The following HIF3A variants were observed in gnomAD, a reference collection of about 807,000 sequenced individuals.
The protein encoded by HIF3A is hypoxia-inducible factor 3-alpha.
In HIF3A, 41 loss-of-function variants were observed where a neutral mutation model predicts 67.2. The ratio of observed to expected loss-of-function variants is 0.61; its 90% CI spans 0.48 to 0.79. The LOEUF is 0.79. Ranked by LOEUF, HIF3A falls within the 30% of genes least tolerant of loss-of-function variation. HIF3A has a pLI of 0.00. For synonymous variants in HIF3A, 356 were observed against 374.8 expected, an observed-to-expected ratio of 0.95 and a Z score of 0.58; for missense variants, 855 against 898.0, an observed-to-expected ratio of 0.95 and a Z score of 0.61.
At chr19:46,329,845 T>C (rs1381729919) in intron 12 of HIF3A, among the ~76,000 whole-genome samples, 1 of 151,470 alleles carries the variant, frequency 6.6e-6, no homozygotes, top group Non-Finnish European at 1.5e-5. Flanking sequence ...CCTGTAGTCC[T>C]AGCTACTTGG....
rs1337698693 is a variant in HIF3A, at chr19:46,340,470, C to G, written c.*848C>G. Reference sequence around the variant, plus strand: ...ATCACCTTCTTCTTCTTCCTTCTTCCTCTTCCTCTTCCTCCTGCTCCTCTT... The same window carrying G: ...ATCACCTTCTTCTTCTTCCTTCTTCGTCTTCCTCTTCCTCCTGCTCCTCTT... On this transcript the variant is annotated 3_prime_UTR_variant, in exon 15 of 15. Transcript: ENST00000377670. 6.4e-6 allele frequency: 1 copy of G among 155,728 alleles called. No homozygotes were observed. Among genetic ancestry groups the G allele is most frequent in the Non-Finnish European group, 1.4e-5 (1 of 70,630 alleles). The allele number at this position is 155,728 out of a possible 1,614,324, so 9.6% of individuals were successfully genotyped here.
In HIF3A at chr19:46,340,901, C is replaced by T. The variant is rs1185327444; in HGVS notation, c.*1279C>T. On this transcript the variant is annotated 3_prime_UTR_variant, in exon 15 of 15. Coordinates refer to ENST00000377670, the MANE Select transcript of HIF3A (RefSeq NM_152795.4). Reference sequence around the variant, plus strand: ...CCTCTCATTCTGCCTGTTTTCAAACCTTACGATCCCCAAAAATTGTCTGGT... The same window carrying T: ...CCTCTCATTCTGCCTGTTTTCAAACTTTACGATCCCCAAAAATTGTCTGGT... 1 of 152,270 alleles carries T rather than the reference C, an allele frequency of 6.6e-6. No homozygotes were observed. The highest frequency in any genetic ancestry group is 1.5e-5 in the Non-Finnish European group (1 of 68,096). The allele number at this position is 152,270 out of a possible 1,614,324, so 9.4% of individuals were successfully genotyped here. A position where few individuals can be genotyped will look rare whatever the true frequency, so the allele number is the denominator to read the frequency against.
rs781136704 is a variant in HIF3A at position 46,325,567 on chromosome 19, C to T, written c.1368C>T (p.Thr456=). 9 of 1,613,214 alleles carry T rather than the reference C, an allele frequency of 5.6e-6. No individual in the cohort carries two copies. The highest frequency in any genetic ancestry group is 3.3e-4 in the Middle Eastern group (2 of 6,084). The change falls in exon 11 of 15, where the codon ACC becomes ACT. Residue 456 remains threonine (T), a synonymous_variant. Transcript: ENST00000377670. The part of the protein sequence containing the change: ...ADLPDELPVG[T]ENVHRLFTSG... ...TCCCAGATGAACTACCTGTGGGCAC[C>T]GAGAATGTGCACAGACTCTTCACCT...
intron 14 of HIF3A, among the ~76,000 whole-genome samples, chr19:46,335,575 AT>A (rs1254279917): frequency 2.0e-5 from 3 of 151,662 alleles, no homozygotes; most frequent in South Asian, 4.2e-4. Context: ...CAGCCTAAAA[AT>A]TTTTTTTTAA....
At chr19:46,330,279 A>G (rs1971101783) in intron 12 of HIF3A, among the ~76,000 whole-genome samples, 1 of 152,196 alleles carries the variant, frequency 6.6e-6, no homozygotes, top group Non-Finnish European at 1.5e-5. Context: ...ATGGGTGGAC[A>G]GGTGGATGGA....
chr19:46,312,430 C>T (rs777424571), intron 7 of HIF3A, 76 bp from the exon 8 acceptor site: 1 of 1,602,368 alleles, frequency 6.2e-7, no homozygotes, highest in Non-Finnish European at 8.5e-7. Context: ...CTTGCCCCCT[C>T]ATACCCAGTC....
intron 6 of HIF3A, chr19:46,310,746 C>G (rs79263603): frequency 0.12 from 41,450 of 349,262 alleles, 3,451 homozygotes; most frequent in East Asian, 0.32. Flanking sequence ...TTATTGTCAT[C>G]ATTACTTTTT....
chr19:46,306,474 A>G (rs1269019568), intron 3 of HIF3A: 1 of 152,252 alleles, frequency 6.6e-6, no homozygotes, highest in Admixed American at 6.5e-5. Context: ...TTTTTAATTA[A>G]CATGGAAGGC....
intron 12 of HIF3A, among the ~76,000 whole-genome samples, chr19:46,330,617 TG>T (rs1971136514): frequency 6.9e-6 from 1 of 144,818 alleles, no homozygotes; most frequent in South Asian, 2.2e-4. Context: ...GATGCATGGA[TG>T]GTGGATGGAT....
intron 6 of HIF3A, chr19:46,310,694 G>A: frequency 2.4e-6 from 1 of 422,930 alleles, no homozygotes; most frequent in Non-Finnish European, 4.7e-6. Flanking sequence ...GCAGCTCAGT[G>A]AGTTTCCCGG....
At chr19:46,312,878 GTTAATTTTTT>G in intron 8 of HIF3A, 2 of 838,270 alleles carry the variant, frequency 2.4e-6, no homozygotes, top group Non-Finnish European at 1.4e-6. Flanking sequence ...TGTGTAGACT[GTTAATTTTTT>G]TTTTTTTTTT....
rs1289297826 is a variant in HIF3A at position 46,320,555 on chromosome 19, A to G, written c.1138A>G (p.Ser380Gly). 6.2e-7 allele frequency: 1 copy of G among 1,612,920 alleles called. No individual in the cohort carries two copies. Among genetic ancestry groups the G allele is most frequent in the Admixed American group, 1.7e-5 (1 of 60,014 alleles). ...SQKDTPNPGD[S>G]LDTPGPRILA... The stretch of plus-strand genomic sequence containing the variant: ...GAAGGACACCCCTAACCCTGGGGAC[A>G]GCCTTGGTATGGGGCAGGGCTGGGG... Residue 380 changes from serine (S) to glycine (G), a missense_variant, in exon 9 of 15, where the codon AGC (serine) becomes GGC (glycine). Physicochemically the swap from Ser to Gly is moderately conservative, Grantham distance 56 (BLOSUM62 0). Coordinates refer to ENST00000377670, the MANE Select transcript of HIF3A (RefSeq NM_152795.4).
intron 6 of HIF3A, among the ~76,000 whole-genome samples, chr19:46,309,877 A>G (rs1368577145): frequency 6.6e-6 from 1 of 152,078 alleles, no homozygotes; most frequent in Non-Finnish European, 1.5e-5. Flanking sequence ...GCTTGAGACC[A>G]GGAGTTCAAG....
intron 2 of HIF3A, 159 bp from the exon 3 acceptor site, chr19:46,305,086 C>T: frequency 9.8e-7 from 1 of 1,019,912 alleles, no homozygotes; most frequent in Non-Finnish European, 1.5e-6. Context: ...TGCTTTCTTC[C>T]TTGGGAATCC....
chr19:46,339,060 T>C (rs1350581094), intron 14 of HIF3A, among the ~76,000 whole-genome samples: 1 of 152,140 alleles, frequency 6.6e-6, no homozygotes, highest in Admixed American at 6.6e-5. Flanking sequence ...TTGCCTTTGT[T>C]AAATGCCCAG....
intron 8 of HIF3A, among the ~76,000 whole-genome samples, chr19:46,316,345 G>T (rs1447387878): frequency 1.3e-5 from 2 of 152,126 alleles, no homozygotes; most frequent in South Asian, 2.1e-4. Context: ...CCAGCATTTC[G>T]CATTGTCTGG....
chr19:46,305,296 T>G lies in HIF3A; in HGVS notation c.269T>G (p.Leu90Arg). 1 of 1,614,082 alleles carries G rather than the reference T, an allele frequency of 6.2e-7. No individual in the cohort carries two copies. Among genetic ancestry groups the G allele is most frequent in the Non-Finnish European group, 8.5e-7 (1 of 1,179,990 alleles). The change falls in exon 3 of 15, where the codon CTG becomes CGG. Residue 90 changes from leucine (L) to arginine (R), a missense_variant. Coordinates refer to ENST00000377670, the MANE Select transcript of HIF3A (RefSeq NM_152795.4). ...GGAGAACCACTGGATGCCTGCTACCTGAAGGCCCTGGAGGGCTTCGTCATG... is the reference window on the plus strand; with the variant it reads ...GGAGAACCACTGGATGCCTGCTACCGGAAGGCCCTGGAGGGCTTCGTCATG... Reference protein sequence around the residue: ...AGGEPLDACYLKALEGFVMVL... With the variant: ...AGGEPLDACYRKALEGFVMVL...
intron 8 of HIF3A, among the ~76,000 whole-genome samples, chr19:46,316,061 T>C (rs1969892043): frequency 6.6e-6 from 1 of 152,014 alleles, no homozygotes; most frequent in Non-Finnish European, 1.5e-5. Flanking sequence ...TGAAACTCCA[T>C]CTCTACTAAA....
intron 8 of HIF3A, among the ~76,000 whole-genome samples, chr19:46,316,104 G>A (rs1969893888): frequency 6.6e-6 from 1 of 151,860 alleles, no homozygotes; most frequent in Non-Finnish European, 1.5e-5. Flanking sequence ...GGTGGTGCAT[G>A]CCTGTAGTGC....
Sources: gnomAD v4.1 joint callset for allele counts (sites outside exome capture counted in the v4.1 genomes callset) on GRCh38, gnomAD v4.1.1 for gene constraint, MANE v1.5 for transcripts, NCBI Gene and HGNC (gene_info 2026-07-23, HGNC 2026-07-21) for gene names.